The following ZNF562 variants were observed in gnomAD, a reference collection of about 807,000 sequenced individuals.
ZNF562 encodes zinc finger protein 562.
A neutral mutation model predicts 17.5 loss-of-function variants in ZNF562; 13 were observed. That is an observed-to-expected ratio of 0.74 (90% CI 0.48 to 1.18). The LOEUF is 1.18. ZNF562 is among the 50% of genes most tolerant of loss of function. The probability of loss-of-function intolerance (pLI) is 0.00; values close to 1 mark genes in which losing one functional copy is unlikely to be tolerated. For missense variants in ZNF562, 481 were observed against 498.5 expected, an observed-to-expected ratio of 0.96 and a Z score of 0.33; for synonymous variants, 163 against 165.4, an observed-to-expected ratio of 0.99 and a Z score of 0.11.
At chr19:9,657,455 G>A (rs186088568) in intron 4 of ZNF562, among the ~76,000 whole-genome samples, 2 of 150,926 alleles carry the variant, frequency 1.3e-5, no homozygotes, top group South Asian at 4.2e-4. Context: ...AGAACTGGTA[G>A]TTTTGTTTGA....
rs2074853937 is a variant in ZNF562, at chr19:9,650,597, G to A, written c.*2352C>T. ...GCCAGGAAGAGAGCTCTCACTAGAG[G>A]TTGACCATGCTGGCACTCTGATCTC... On this transcript the variant is annotated 3_prime_UTR_variant, in exon 6 of 6. Coordinates refer to ENST00000453372, the MANE Select transcript of ZNF562 (RefSeq NM_001130031.2). 6.6e-6 allele frequency: 1 copy of A among 152,138 alleles called. No homozygotes were observed. The highest frequency in any genetic ancestry group is 2.4e-5 in the African/African-American group (1 of 41,364). The allele number at this position is 152,138 out of a possible 1,614,324, so 9.4% of individuals were successfully genotyped here.
rs772871483 is a variant in ZNF562 at position 9,658,021 on chromosome 19, G to C, written c.229C>G (p.Leu77Val). The change falls in exon 4 of 6, where the codon CTG becomes GTG. Residue 77 changes from leucine (L) to valine (V), a missense_variant. Physicochemically the swap from Leu to Val is conservative, Grantham distance 32. Around this residue, in one of 2 missense-constraint regions of ZNF562, gnomAD observed 403 missense variants for 386.4 expected, o/e 1.04. Transcript: ENST00000453372. ...ATGTTACTCTTACCCACAGAGGCCA[G>C]GTTCATGTAGTTCTCCAGCATCACA... ...RDVMLENYMN[L>V]ASVDFFFCLT... The C allele has an allele frequency of 5.0e-6, 8 of 1,612,546 alleles. No individual in the cohort carries two copies. In the African/African-American group the frequency reaches 1.1e-4, roughly 22 times the overall value.
chr19:9,668,838 T>G (rs1159983598), intron 1 of ZNF562, among the ~76,000 whole-genome samples: 1 of 152,190 alleles, frequency 6.6e-6, no homozygotes, highest in Non-Finnish European at 1.5e-5. Context: ...CAGCTCATTT[T>G]CAACAAAGGC....
chr19:9,665,808 A>C (rs1366167222), intron 1 of ZNF562, among the ~76,000 whole-genome samples: 1 of 152,088 alleles, frequency 6.6e-6, no homozygotes, highest in Admixed American at 6.6e-5. Flanking sequence ...TGAGCTCAGG[A>C]GTTCAAGACC....
rs1190726573 is a variant in ZNF562, at chr19:9,669,771, CACACAA to C, written c.-131+5238_-131+5243del. On this transcript the variant is annotated intron_variant, in intron 1 of 5. Coordinates refer to ENST00000453372, the MANE Select transcript of ZNF562 (RefSeq NM_001130031.2). The stretch of plus-strand genomic sequence containing the variant: ...ACACACACACACACACACACACACA[CACACAA>C]CCAGTCAGGGACAGTAGCTCATGCC... Among the ~76,000 whole-genome samples the C allele has an allele frequency of 2.5e-3, 373 of 151,358 alleles. 2 individuals carry two copies. Among genetic ancestry groups the C allele is most frequent in the African/African-American group, 8.5e-3 (349 of 41,258 alleles).
chr19:9,669,078 A>C (rs1022376649), intron 1 of ZNF562, among the ~76,000 whole-genome samples: 7 of 152,212 alleles, frequency 4.6e-5, no homozygotes, highest in African/African-American at 1.7e-4. Flanking sequence ...GGAAGATCTC[A>C]AAAGCACAGG....
rs1185689013 is a variant in ZNF562 at position 9,652,936 on chromosome 19, A to G, written c.*13T>C. On this transcript the variant is annotated 3_prime_UTR_variant, in exon 6 of 6. Transcript: ENST00000453372. The stretch of plus-strand genomic sequence containing the variant: ...GTGAGGAATACAGAAATTCTTTCCC[A>G]CATATCTTGCATTTACCTTTCTCCA... 2.0e-6 allele frequency: 3 copies of G among 1,471,286 alleles called. No individual in the cohort carries two copies. The highest frequency in any genetic ancestry group is 2.7e-6 in the Non-Finnish European group (3 of 1,110,726). 91.1% of individuals were successfully genotyped at this position (1,471,286 alleles called of 1,614,324 possible). A position where few individuals can be genotyped will look rare whatever the true frequency, so the allele number is the denominator to read the frequency against.
chr19:9,668,342 G>A (rs2044028326), intron 1 of ZNF562, among the ~76,000 whole-genome samples: 1 of 151,866 alleles, frequency 6.6e-6, no homozygotes, highest in Admixed American at 6.6e-5. Context: ...CTGCACCACT[G>A]TACTCCAGCC....
chr19:9,648,722 A>G lies in ZNF562; in HGVS notation c.*4227T>C, dbSNP rs1215793232. 2 of 148,212 alleles carry G rather than the reference A, an allele frequency of 1.3e-5. No homozygotes were observed. The highest frequency in any genetic ancestry group is 5.0e-5 in the African/African-American group (2 of 40,016). The allele number at this position is 148,212 out of a possible 1,614,324, so 9.2% of individuals were successfully genotyped here. On this transcript the variant is annotated 3_prime_UTR_variant, in exon 6 of 6. Coordinates refer to ENST00000453372, the MANE Select transcript of ZNF562 (RefSeq NM_001130031.2). ...CTTGCTATGTTGCCTAAGCTGGTCT[A>G]GAACCCCTGGGCTCAGGCCACCCTC...
intron 1 of ZNF562, among the ~76,000 whole-genome samples, chr19:9,669,701 T>A (rs2044074795): frequency 8.0e-6 from 1 of 124,514 alleles, no homozygotes; most frequent in Admixed American, 8.3e-5. Flanking sequence ...AAGACCTGTC[T>A]GCATGCACGC....
Position 9,643,511 on chromosome 19 carries a change from G to A in ZNF562, c.*9438C>T, listed in dbSNP as rs1046243135. On this transcript the variant is annotated 3_prime_UTR_variant, in exon 6 of 6. Coordinates refer to ENST00000453372, the MANE Select transcript of ZNF562 (RefSeq NM_001130031.2). ...TATATTCCTGCAGTAAATGCCACTG[G>A]GTTTACTATTTTCTTATCAAGCAGT... 2.0e-5 allele frequency: 3 copies of A among 151,782 alleles called. No individual in the cohort carries two copies. The highest frequency in any genetic ancestry group is 4.4e-5 in the Non-Finnish European group (3 of 67,988). 9.4% of individuals were successfully genotyped at this position (151,782 alleles called of 1,614,324 possible).
intron 3 of ZNF562, chr19:9,658,352 T>C (rs900546247): frequency 1.3e-5 from 13 of 984,112 alleles, no homozygotes; most frequent in East Asian, 2.3e-4. Context: ...TTTCTTTCTT[T>C]CTTTCTTTTT....
rs2074807545 is a variant in ZNF562 at position 9,646,481 on chromosome 19, T to C, written c.*6468A>G. 6.6e-6 allele frequency: 1 copy of C among 152,144 alleles called. No individual in the cohort carries two copies. Among genetic ancestry groups the C allele is most frequent in the African/African-American group, 2.4e-5 (1 of 41,448 alleles). The allele number at this position is 152,144 out of a possible 1,614,324, so 9.4% of individuals were successfully genotyped here. Reference sequence around the variant, plus strand: ...GGAAAATCAAGCTGATGTAACTATATAAATATCTAACAGAATTAGTGGAAC... The same window carrying C: ...GGAAAATCAAGCTGATGTAACTATACAAATATCTAACAGAATTAGTGGAAC... On this transcript the variant is annotated 3_prime_UTR_variant, in exon 6 of 6. Transcript: ENST00000453372.
chr19:9,667,788 C>A (rs562861024), intron 1 of ZNF562, among the ~76,000 whole-genome samples: 1 of 151,646 alleles, frequency 6.6e-6, no homozygotes, highest in Admixed American at 6.6e-5. Flanking sequence ...GCAGAGGGGT[C>A]CTCAATATAT....
Position 9,646,930 on chromosome 19 carries a change from CCTGG to C in ZNF562, c.*6015_*6018del, listed in dbSNP as rs2074811173. ...GGGATTACAGGCGCCCGCCAACTCA[CCTGG>C]CTAATTTTATTTTTTGAATTTTTAG... is the stretch of plus-strand genomic sequence containing the variant. On this transcript the variant is annotated 3_prime_UTR_variant, in exon 6 of 6. Coordinates refer to ENST00000453372, the MANE Select transcript of ZNF562 (RefSeq NM_001130031.2). 1 of 151,956 alleles carries C rather than the reference CCTGG, an allele frequency of 6.6e-6. No homozygotes were observed. Among genetic ancestry groups the C allele is most frequent in the African/African-American group, 2.4e-5 (1 of 41,358 alleles). 9.4% of individuals were successfully genotyped at this position (151,956 alleles called of 1,614,324 possible).
chr19:9,660,924 C>A (rs1042458384), intron 1 of ZNF562, 50 bp from the exon 2 acceptor site: 4 of 523,458 alleles, frequency 7.6e-6, no homozygotes, highest in Non-Finnish European at 1.3e-5. Context: ...AGTCATTGAA[C>A]ATTATGCATG....
chr19:9,657,791 CCTGCCT>C lies in ZNF562; in HGVS notation c.241+212_241+217del, dbSNP rs573992336. On this transcript the variant is annotated intron_variant, in intron 4 of 5. Coordinates refer to ENST00000453372, the MANE Select transcript of ZNF562 (RefSeq NM_001130031.2). ...CTTGATTTCCTGACCTTGTGATCTGCCTGCCTCAGCCTTCCAAAGTGCTGGGATTAC... is the reference window on the plus strand; with the variant it reads ...CTTGATTTCCTGACCTTGTGATCTGCCAGCCTTCCAAAGTGCTGGGATTAC... Among the ~76,000 whole-genome samples, 213 of 152,148 alleles carry C rather than the reference CCTGCCT, an allele frequency of 1.4e-3. 2 individuals carry two copies. In the Middle Eastern group the frequency reaches 0.02, roughly 15 times the overall value.
At chr19:9,664,209 C>G (rs2043860825) in intron 1 of ZNF562, among the ~76,000 whole-genome samples, 1 of 152,192 alleles carries the variant, frequency 6.6e-6, no homozygotes, top group African/African-American at 2.4e-5. Context: ...GCTGCGATTA[C>G]AGGCATACAT....
At position 9,651,760 on chromosome 19, in the gene ZNF562, G is replaced by A. The variant is rs1017385384; in HGVS notation, c.*1189C>T. The A allele has an allele frequency of 6.6e-6, 1 of 152,174 alleles. No homozygotes were observed. Among genetic ancestry groups the A allele is most frequent in the Non-Finnish European group, 1.5e-5 (1 of 68,044 alleles). The allele number at this position is 152,174 out of a possible 1,614,324, so 9.4% of individuals were successfully genotyped here. ...ACTTATAGCTGATCTACAATCTATA[G>A]GAATAATGTTTATCACAGGCTTACT... On this transcript the variant is annotated 3_prime_UTR_variant, in exon 6 of 6. Transcript: ENST00000453372.
Sources: gnomAD v4.1 joint callset for allele counts (sites outside exome capture counted in the v4.1 genomes callset) on GRCh38, gnomAD v4.1.1 for gene constraint, gnomAD v4.1.1 regional missense constraint, MANE v1.5 for transcripts, NCBI Gene and HGNC (gene_info 2026-07-23, HGNC 2026-07-21) for gene names.